Variants in SYNCRIP observed in about 807,000 individuals in gnomAD.
SYNCRIP encodes the protein synaptotagmin binding cytoplasmic RNA interacting protein.
Under a neutral mutation model 68.9 loss-of-function variants are expected in SYNCRIP, and 9 were observed. The observed-to-expected ratio is 0.13, with a 90% confidence interval of 0.08 to 0.23. The LOEUF is 0.23. Ranked by LOEUF, SYNCRIP falls within the 10% of genes least tolerant of loss-of-function variation. The pLI is 1.00. For missense variants in SYNCRIP, 414 were observed against 770.6 expected, an observed-to-expected ratio of 0.54 and a Z score of 5.48; for synonymous variants, 258 against 254.0, an observed-to-expected ratio of 1.02 and a Z score of -0.15.
At chr6:85,631,056 G>A (rs1398848344) in intron 6 of SYNCRIP, among the ~76,000 whole-genome samples, 2 of 152,138 alleles carry the variant, frequency 1.3e-5, no homozygotes, top group Non-Finnish European at 2.9e-5. Flanking sequence ...TAATGGCCAT[G>A]GCTTGGCTGG....
upstream of SYNCRIP, among the ~76,000 whole-genome samples, chr6:85,643,480 C>G (rs947845576): frequency 5.9e-5 from 9 of 152,104 alleles, no homozygotes; most frequent in African/African-American, 2.2e-4. Context: ...GGGGCCGAGA[C>G]TGAATGAAAG....
chr6:85,615,115 C>T lies in SYNCRIP; in HGVS notation c.1513G>A (p.Gly505Ser). 6.2e-7 allele frequency: 1 copy of T among 1,614,034 alleles called. No homozygotes were observed. Among genetic ancestry groups the T allele is most frequent in the Non-Finnish European group, 8.5e-7 (1 of 1,180,000 alleles). The change falls in exon 11 of 11, where the codon GGT becomes AGT. Residue 505 changes from glycine to serine, a missense_variant. This residue lies in a region of SYNCRIP where 72 missense variants were observed against 119.8 expected (regional missense o/e 0.60). Transcript: ENST00000369622. Reference protein sequence around the residue: ...ARGRGGRGARGAAPSRGRGAA... With the variant: ...ARGRGGRGARSAAPSRGRGAA... ...CCACGACCTCTGGATGGAGCAGCACCCCTTGCTCCTCTACCACCCCTTCCT... is the reference window on the plus strand; with the variant it reads ...CCACGACCTCTGGATGGAGCAGCACTCCTTGCTCCTCTACCACCCCTTCCT...
Position 85,640,374 on chromosome 6 carries a change from G to A in SYNCRIP, c.268-46C>T, listed in dbSNP as rs183698155. 27 of 1,587,642 alleles carry A rather than the reference G, an allele frequency of 1.7e-5. No homozygotes were observed. In the African/African-American group the frequency reaches 3.0e-4, roughly 17 times the overall value. On this transcript the variant is annotated intron_variant, in intron 3 of 10. Transcript: ENST00000369622. The stretch of plus-strand genomic sequence containing the variant: ...AATATTTAACAATAACCATATCTGA[G>A]TCTAATAAAATTCAGCAGATAGTAT...
At position 85,629,088 on chromosome 6, in the gene SYNCRIP, T is replaced by C. The variant is rs115580170; in HGVS notation, c.667-4976A>G. On this transcript the variant is annotated intron_variant, in intron 6 of 10. Transcript: ENST00000369622. ...CCCACATCAGGGCTCAAAAAGGGGG[T>C]GGGGGGTGCTATGCAGCTTAGCCCA... 9.7e-3 allele frequency among the ~76,000 whole-genome samples: 1,478 copies of C among 151,950 alleles called. 22 individuals carry two copies. Among genetic ancestry groups the C allele is most frequent in the African/African-American group, 0.034 (1,391 of 41,436 alleles).
chr6:85,618,697 G>A (rs1347085211), intron 10 of SYNCRIP, 121 bp downstream of exon 10: 6 of 790,954 alleles, frequency 7.6e-6, no homozygotes, highest in East Asian at 2.8e-5. Context: ...ACTCTCAAAC[G>A]TTCAAGTCTT....
intron 6 of SYNCRIP, among the ~76,000 whole-genome samples, chr6:85,632,276 G>A (rs1029268452): frequency 6.6e-6 from 1 of 152,126 alleles, no homozygotes; most frequent in African/African-American, 2.4e-5. Flanking sequence ...GAGAAACAGA[G>A]GTGCTTCAAT....
At chr6:85,620,911 T>C (rs1806306983) in intron 8 of SYNCRIP, among the ~76,000 whole-genome samples, 1 of 152,214 alleles carries the variant, frequency 6.6e-6, no homozygotes, top group Admixed American at 6.5e-5. Flanking sequence ...TACCATGCCC[T>C]CTAAGAGAGT....
Position 85,622,632 on chromosome 6 carries a change from T to C in SYNCRIP, c.858A>G (p.Arg286=). Residue 286 remains arginine, a synonymous_variant, in exon 8 of 11, where the codon AGA becomes AGG. Coordinates refer to ENST00000369622, the MANE Select transcript of SYNCRIP (RefSeq NM_006372.5). ...CTTCATATTCAAGAAAGCAAAAGCC[T>C]CTGTTTTTTTTCTTGTCATCCGGTT... ...YHQPDDKKKN[R]GFCFLEYEDH... 2 of 1,614,210 alleles carry C rather than the reference T, an allele frequency of 1.2e-6. No homozygotes were observed. The highest frequency in any genetic ancestry group is 1.7e-6 in the Non-Finnish European group (2 of 1,180,026).
intron 4 of SYNCRIP, 151 bp downstream of exon 4, chr6:85,640,070 A>C (rs1808949716): frequency 1.6e-6 from 1 of 609,786 alleles, no homozygotes; most frequent in African/African-American, 1.9e-5. Context: ...AGAAACAAAT[A>C]GTTTAAAAAA....
At chr6:85,613,052 G>T, downstream of SYNCRIP, 1 of 1,132,188 alleles carries the variant, frequency 8.8e-7, no homozygotes, top group Non-Finnish European at 1.2e-6. Flanking sequence ...AGCCAAAAAA[G>T]TTGCCTTTAA....
At chr6:85,628,970 G>C (rs528799201) in intron 6 of SYNCRIP, among the ~76,000 whole-genome samples, 1 of 151,886 alleles carries the variant, frequency 6.6e-6, no homozygotes, top group Non-Finnish European at 1.5e-5. Flanking sequence ...CAAAATCTCC[G>C]ATCTTTCTCC....
chr6:85,624,007 G>C lies in SYNCRIP; in HGVS notation c.772C>G (p.Gln258Glu). ...GSIPKSKTKE[Q>E]ILEEFSKVTE... ...ACTTTGCTAAATTCTTCAAGAATCT[G>C]TTCCTTGGTTTTACTCTTAGGAATA... The change falls in exon 7 of 11, where the codon CAG becomes GAG. Residue 258 changes from glutamine (Q) to glutamate (E), a missense_variant. Gln to Glu is a conservative substitution (Grantham distance 29). Coordinates refer to ENST00000369622, the MANE Select transcript of SYNCRIP (RefSeq NM_006372.5). The C allele has an allele frequency of 5.0e-6, 8 of 1,613,822 alleles. No individual in the cohort carries two copies. The highest frequency in any genetic ancestry group is 6.8e-6 in the Non-Finnish European group (8 of 1,179,920).
intron 8 of SYNCRIP, among the ~76,000 whole-genome samples, chr6:85,621,416 G>A (rs768348075): frequency 6.6e-6 from 1 of 152,002 alleles, no homozygotes; most frequent in Non-Finnish European, 1.5e-5. Context: ...GACCGGCCTG[G>A]GCAGCACAGG....
At chr6:85,631,321 A>T (rs1807750256) in intron 6 of SYNCRIP, among the ~76,000 whole-genome samples, 1 of 140,338 alleles carries the variant, frequency 7.1e-6, no homozygotes, top group South Asian at 2.4e-4. Context: ...CCTGGGTGAC[A>T]AAGCATGACT....
At chr6:85,617,327 CCT>C (rs972707205) in intron 10 of SYNCRIP, among the ~76,000 whole-genome samples, 2 of 152,084 alleles carry the variant, frequency 1.3e-5, no homozygotes, top group African/African-American at 4.8e-5. Flanking sequence ...TTAGTATCTC[CCT>C]CTATCAAGTA....
chr6:85,620,103 G>A (rs1021164046), intron 8 of SYNCRIP, among the ~76,000 whole-genome samples: 7 of 152,112 alleles, frequency 4.6e-5, no homozygotes, highest in Non-Finnish European at 7.4e-5. Context: ...AAGATTAGCC[G>A]GGTGCGATGG....
upstream of SYNCRIP, among the ~76,000 whole-genome samples, chr6:85,643,552 T>C (rs1809460368): frequency 7.3e-6 from 1 of 137,184 alleles, no homozygotes; most frequent in South Asian, 2.3e-4. Context: ...GCGGGCCGGC[T>C]CAGCGTGTCC....
chr6:85,615,064 C>A lies in SYNCRIP; in HGVS notation c.1564G>T (p.Gly522Cys), dbSNP rs370683161. Residue 522 changes from glycine to cysteine, a missense_variant, in exon 11 of 11, where the codon GGT becomes TGT. Transcript: ENST00000369622. ...CCAGGACCTCCTCTCTGTGAATAAC[C>A]GGCTCTACCGCGGGGAGGAGCAGCC... Reference protein sequence around the residue: ...RGAAPPRGRAGYSQRGGPGSA... With the variant: ...RGAAPPRGRACYSQRGGPGSA... 1.9e-6 allele frequency: 3 copies of A among 1,614,074 alleles called. No individual in the cohort carries two copies. The Admixed American group carries it at 5.0e-5, about 27-fold the overall frequency.
In SYNCRIP at chr6:85,622,804, TTC is replaced by T. The variant is rs1583266955; in HGVS notation, c.803-119_803-118del. ...TCAAAATGAAAAATCATCTCTTTCC[TTC>T]ACTAGACATCTTTATAAAAGACTAT... On this transcript the variant is annotated intron_variant, in intron 7 of 10. Coordinates refer to ENST00000369622, the MANE Select transcript of SYNCRIP (RefSeq NM_006372.5). The T allele has an allele frequency of 1.6e-5, 13 of 789,254 alleles. No homozygotes were observed. In the East Asian group the frequency reaches 3.3e-4, roughly 20 times the overall value. The allele number at this position is 789,254 out of a possible 1,614,324, so 48.9% of individuals were successfully genotyped here. A position where few individuals can be genotyped will look rare whatever the true frequency, so the allele number is the denominator to read the frequency against.
Sources: gnomAD v4.1 joint callset for allele counts (sites outside exome capture counted in the v4.1 genomes callset) on GRCh38, gnomAD v4.1.1 for gene constraint, gnomAD v4.1.1 regional missense constraint, MANE v1.5 for transcripts, NCBI Gene and HGNC (gene_info 2026-07-23, HGNC 2026-07-21) for gene names.